ZMIZ1: variants seen among roughly 807,000 people sequenced by gnomAD.
ZMIZ1 encodes the protein zinc finger MIZ-type containing 1.
A neutral mutation model predicts 113.9 loss-of-function variants in ZMIZ1; 17 were observed. The ratio of observed to expected loss-of-function variants is 0.15; its 90% CI spans 0.10 to 0.22. The LOEUF (loss-of-function observed/expected upper bound fraction) is 0.22. ZMIZ1 is among the 10% of genes least tolerant of loss of function. The pLI, the probability that ZMIZ1 is intolerant of heterozygous loss-of-function variation, is 1.00. For synonymous variants in ZMIZ1, 607 were observed against 603.1 expected (o/e 1.01, Z -0.09); for missense variants, 1,059 against 1,477.8 (o/e 0.72, Z 4.65).
At chr10:79,290,157 C>T (rs1400459208) in intron 9 of ZMIZ1, among the ~76,000 whole-genome samples, 1 of 152,212 alleles carries the variant, frequency 6.6e-6, no homozygotes, top group African/African-American at 2.4e-5. Context: ...TCTTCCCTAG[C>T]CCATTTGCTC....
At chr10:79,154,664 C>T (rs769597267) in intron 3 of ZMIZ1, among the ~76,000 whole-genome samples, 1 of 152,162 alleles carries the variant, frequency 6.6e-6, no homozygotes, top group African/African-American at 2.4e-5. Flanking sequence ...GTACCTGGCA[C>T]GGATTTTGCA....
intron 7 of ZMIZ1, among the ~76,000 whole-genome samples, chr10:79,264,318 C>G (rs1851453957): frequency 6.6e-6 from 1 of 152,210 alleles, no homozygotes; most frequent in Non-Finnish European, 1.5e-5. Context: ...GCATTTGGCA[C>G]TCACGCCTCA....
chr10:79,310,494 G>A (rs561036380), intron 23 of ZMIZ1, among the ~76,000 whole-genome samples: 3 of 152,282 alleles, frequency 2.0e-5, no homozygotes, highest in East Asian at 3.9e-4. Flanking sequence ...GCTCTCTGCC[G>A]CCCAGCTTGG....
At chr10:79,217,968 A>C (rs1209055389) in intron 7 of ZMIZ1, among the ~76,000 whole-genome samples, 1 of 152,232 alleles carries the variant, frequency 6.6e-6, no homozygotes, top group Non-Finnish European at 1.5e-5. Flanking sequence ...ATACCTCTTA[A>C]GTGCCCGTTC....
intron 8 of ZMIZ1, among the ~76,000 whole-genome samples, chr10:79,279,203 C>T (rs1416566440): frequency 3.9e-5 from 6 of 151,972 alleles, no homozygotes; most frequent in African/African-American, 9.7e-5. Flanking sequence ...CCTCACTTCC[C>T]GGACGGGGCG....
Position 79,081,159 on chromosome 10 carries a change from C to T in ZMIZ1, c.-337+11889C>T, listed in dbSNP as rs1842645321. Reference sequence around the variant, plus strand: ...CCAGAAGGATACCTCTCCCCTAGTTCTCTTCTCAGGACCTTGCAGAATGTG... The same window carrying T: ...CCAGAAGGATACCTCTCCCCTAGTTTTCTTCTCAGGACCTTGCAGAATGTG... On this transcript the variant is annotated intron_variant, in intron 1 of 24. Transcript: ENST00000334512. Among the ~76,000 whole-genome samples the T allele has an allele frequency of 2.7e-5, 4 of 150,622 alleles. No individual in the cohort carries two copies. In the South Asian group the frequency reaches 8.5e-4, roughly 32 times the overall value.
intron 2 of ZMIZ1, among the ~76,000 whole-genome samples, chr10:79,133,928 C>A (rs1844881574): frequency 6.6e-6 from 1 of 152,210 alleles, no homozygotes; most frequent in African/African-American, 2.4e-5. Context: ...GCATTTATTT[C>A]TGCTAATTAA....
intron 4 of ZMIZ1, among the ~76,000 whole-genome samples, chr10:79,196,027 G>A (rs923004638): frequency 1.1e-4 from 16 of 152,224 alleles, no homozygotes; most frequent in Non-Finnish European, 1.8e-4. Flanking sequence ...CTCCCTCAGC[G>A]CACCCTTCCT....
intron 7 of ZMIZ1, among the ~76,000 whole-genome samples, chr10:79,260,341 A>T (rs1851195465): frequency 6.6e-6 from 1 of 152,224 alleles, no homozygotes; most frequent in Admixed American, 6.5e-5. Flanking sequence ...GCTCTGAAGA[A>T]CAATGAGGCA....
At chr10:79,150,384 C>G (rs1845664765) in intron 3 of ZMIZ1, among the ~76,000 whole-genome samples, 1 of 152,272 alleles carries the variant, frequency 6.6e-6, no homozygotes, top group South Asian at 2.1e-4. Flanking sequence ...GACCCCCTCC[C>G]TGGGCCTCCC....
At chr10:79,189,831 T>C (rs762914171) in intron 4 of ZMIZ1, among the ~76,000 whole-genome samples, 5 of 152,234 alleles carry the variant, frequency 3.3e-5, no homozygotes, top group Non-Finnish European at 4.4e-5. Flanking sequence ...TCGGATTGCC[T>C]GTGGGGTGTC....
At chr10:79,276,739 G>A (rs1852317346) in intron 7 of ZMIZ1, among the ~76,000 whole-genome samples, 1 of 152,154 alleles carries the variant, frequency 6.6e-6, no homozygotes, top group South Asian at 2.1e-4. Flanking sequence ...GCCACGCTTT[G>A]CCTCTGATCG....
At position 79,118,849 on chromosome 10, in the gene ZMIZ1, G is replaced by GTGGGT. The variant is rs1844167887; in HGVS notation, c.-336-65_-336-61dup. ...CAGCCAGGACCTAGAGGTCCATGAC[G>GTGGGT]TGGGTGAGGGGCTGCCCGCAGGGTC... On this transcript the variant is annotated intron_variant, in intron 1 of 24. Transcript: ENST00000334512. This position sits in a 1 kb window ranked among gnomAD's most constrained non-coding sequence, Gnocchi z 4.1. 6.6e-6 allele frequency: 1 copy of GTGGGT among 152,382 alleles called. No homozygotes were observed. Among genetic ancestry groups the GTGGGT allele is most frequent in the South Asian group, 2.1e-4 (1 of 4,836 alleles). 9.4% of individuals were successfully genotyped at this position (152,382 alleles called of 1,614,324 possible).
chr10:79,286,607 A>G (rs1853099720), intron 8 of ZMIZ1, among the ~76,000 whole-genome samples: 1 of 152,254 alleles, frequency 6.6e-6, no homozygotes, highest in Non-Finnish European at 1.5e-5. Flanking sequence ...GCCTGCGTGC[A>G]TCTTTGCTCT....
chr10:79,074,509 C>T (rs2132158507), intron 1 of ZMIZ1, among the ~76,000 whole-genome samples: 1 of 152,360 alleles, frequency 6.6e-6, no homozygotes, highest in African/African-American at 2.4e-5. Context: ...GCCTTGACTG[C>T]CCAGGGCACA....
At chr10:79,243,690 C>T in intron 7 of ZMIZ1, 1 of 307,408 alleles carries the variant, frequency 3.3e-6, no homozygotes, top group Non-Finnish European at 6.5e-6. Context: ...GGCCGGGCCC[C>T]AAGCCCCCGA....
chr10:79,240,221 G>A (rs190315632), intron 7 of ZMIZ1, among the ~76,000 whole-genome samples: 30 of 152,316 alleles, frequency 2.0e-4, no homozygotes, highest in Admixed American at 1.6e-3. Flanking sequence ...TCATTCCCCT[G>A]GGGCTATGCC....
In ZMIZ1 at chr10:79,209,991, G is replaced by A. The variant is rs181176409; in HGVS notation, c.174+1542G>A. Among the ~76,000 whole-genome samples, 193 of 152,320 alleles carry A rather than the reference G, an allele frequency of 1.3e-3. 1 individual carries two copies. Among genetic ancestry groups the A allele is most frequent in the African/African-American group, 4.4e-3 (182 of 41,580 alleles). ...CTCCCTCAGGCCACCGGGCCAAATC[G>A]AGCAGCCACCTGCACTGCCCAGTCT... On this transcript the variant is annotated intron_variant, in intron 6 of 24. Coordinates refer to ENST00000334512, the MANE Select transcript of ZMIZ1 (RefSeq NM_020338.4).
At chr10:79,302,966 A>G (rs754453409) in intron 18 of ZMIZ1, among the ~76,000 whole-genome samples, 7 of 148,582 alleles carry the variant, frequency 4.7e-5, no homozygotes, top group Non-Finnish European at 8.9e-5. Flanking sequence ...GGTTCACGCC[A>G]TTCTCCTGCC....
Sources: allele counts gnomAD v4.1 joint callset (sites outside exome capture counted in the v4.1 genomes callset), GRCh38; gene constraint gnomAD v4.1.1; non-coding constraint Gnocchi (gnomAD v3.1); transcripts MANE v1.5; gene names NCBI Gene and HGNC (gene_info 2026-07-23, HGNC 2026-07-21).